Variants in LPP observed in about 807,000 individuals in gnomAD.
The protein encoded by LPP is LIM domain containing preferred translocation partner in lipoma, also known as lipoma-preferred partner.
A neutral mutation model predicts 60.4 loss-of-function variants in LPP; 38 were observed. That is an observed-to-expected ratio of 0.63 (90% CI 0.49 to 0.83). The LOEUF (loss-of-function observed/expected upper bound fraction) is 0.83. Among genes scored for constraint, LPP ranks in the 40% least tolerant of loss-of-function variants. LPP has a pLI of 0.00. For synonymous variants in LPP, 328 were observed against 290.8 expected, an observed-to-expected ratio of 1.13 and a Z score of -1.30; for missense variants, 902 against 783.6, an observed-to-expected ratio of 1.15 and a Z score of -1.80.
At chr3:188,383,414 C>T (rs1005650563) in intron 3 of LPP, among the ~76,000 whole-genome samples, 6 of 152,098 alleles carry the variant, frequency 3.9e-5, no homozygotes, top group African/African-American at 1.4e-4. Flanking sequence ...TTGTTATTAT[C>T]TTTCTCAATT....
At chr3:188,349,590 G>A (rs1170739498) in intron 3 of LPP, among the ~76,000 whole-genome samples, 1 of 152,174 alleles carries the variant, frequency 6.6e-6, no homozygotes, top group African/African-American at 2.4e-5. Context: ...GACATTACTG[G>A]CTGAGTATAA....
intron 1 of LPP, among the ~76,000 whole-genome samples, chr3:188,220,813 G>A (rs1715493482): frequency 6.6e-6 from 1 of 152,124 alleles, no homozygotes. Context: ...CTAGAGGAAA[G>A]GGTCACTGAA....
chr3:188,224,799 G>C (rs1487330323), intron 1 of LPP, among the ~76,000 whole-genome samples: 2 of 152,136 alleles, frequency 1.3e-5, no homozygotes, highest in Non-Finnish European at 2.9e-5. Context: ...ACAGCACCAA[G>C]AGGATGGTGC....
intron 7 of LPP, among the ~76,000 whole-genome samples, chr3:188,699,331 C>A (rs1284067294): frequency 1.3e-5 from 2 of 152,120 alleles, no homozygotes; most frequent in African/African-American, 4.8e-5. Context: ...GAGACCAGGG[C>A]CCCCTGACTG....
At chr3:188,724,838 G>C (rs2149937880) in intron 8 of LPP, among the ~76,000 whole-genome samples, 1 of 152,256 alleles carries the variant, frequency 6.6e-6, no homozygotes, top group Non-Finnish European at 1.5e-5. Context: ...GTGTAGAAAA[G>C]CCAGGCCCAG....
chr3:188,186,806 G>C (rs183743127), intron 1 of LPP, among the ~76,000 whole-genome samples: 9 of 151,846 alleles, frequency 5.9e-5, no homozygotes, highest in African/African-American at 2.2e-4. Context: ...TCTCATGCTT[G>C]AGTTACTAGT....
intron 3 of LPP, among the ~76,000 whole-genome samples, chr3:188,350,211 G>A (rs933537374): frequency 2.0e-5 from 3 of 152,180 alleles, no homozygotes; most frequent in African/African-American, 7.2e-5. Flanking sequence ...GAGCTGGCGG[G>A]TCTGTGGAGG....
At chr3:188,459,197 C>T (rs771799713) in intron 4 of LPP, among the ~76,000 whole-genome samples, 15 of 152,042 alleles carry the variant, frequency 9.9e-5, no homozygotes, top group African/African-American at 1.9e-4. Flanking sequence ...CAGAGACTTC[C>T]GCCATTCCCT....
At chr3:188,537,322 A>G (rs542788758) in intron 6 of LPP, among the ~76,000 whole-genome samples, 2 of 151,858 alleles carry the variant, frequency 1.3e-5, no homozygotes, top group African/African-American at 2.4e-5. Context: ...AGCATTATTG[A>G]TCGTATCACA....
At chr3:188,414,976 T>C (rs1432773346) in intron 4 of LPP, among the ~76,000 whole-genome samples, 2 of 152,178 alleles carry the variant, frequency 1.3e-5, no homozygotes, top group Non-Finnish European at 2.9e-5. Context: ...AGTCCCTGTA[T>C]TGTTGACAGA....
chr3:188,607,768 C>T (rs759929573), intron 6 of LPP, among the ~76,000 whole-genome samples: 2 of 152,160 alleles, frequency 1.3e-5, no homozygotes, highest in East Asian at 1.9e-4. Flanking sequence ...CTTCAAAATT[C>T]ACCTATTTTG....
intron 2 of LPP, among the ~76,000 whole-genome samples, chr3:188,319,251 C>G (rs73888217): frequency 0.076 from 11,580 of 152,078 alleles, 503 homozygotes; most frequent in South Asian, 0.11. Context: ...CCAGAATAGT[C>G]TTTGAAACAT....
chr3:188,644,342 T>G (rs1850723189), intron 7 of LPP, among the ~76,000 whole-genome samples: 1 of 152,168 alleles, frequency 6.6e-6, no homozygotes, highest in African/African-American at 2.4e-5. Context: ...TTTGGTAGGA[T>G]GAAATGGTTC....
chr3:188,694,802 G>T (rs1862894452), intron 7 of LPP, among the ~76,000 whole-genome samples: 1 of 152,092 alleles, frequency 6.6e-6, no homozygotes. Flanking sequence ...TAATATTTTT[G>T]GTTTCCATCT....
intron 9 of LPP, among the ~76,000 whole-genome samples, chr3:188,764,390 A>T (rs1733349971): frequency 6.6e-6 from 1 of 152,188 alleles, no homozygotes; most frequent in Admixed American, 6.5e-5. Flanking sequence ...GCTTAATCTG[A>T]TTAACAGAAT....
rs566821476 is a variant in LPP at position 188,716,867 on chromosome 3, G to A, written c.1240+8474G>A. On this transcript the variant is annotated intron_variant, in intron 8 of 11. Coordinates refer to ENST00000617246, the MANE Select transcript of LPP (RefSeq NM_001375462.1). Reference sequence around the variant, plus strand: ...TTTGTGACTTAGGCACAAACAAGACGCTAAACTTGTTTGGAAGTTAGCGTC... The same window carrying A: ...TTTGTGACTTAGGCACAAACAAGACACTAAACTTGTTTGGAAGTTAGCGTC... 5.9e-5 allele frequency among the ~76,000 whole-genome samples: 9 copies of A among 152,280 alleles called. No individual in the cohort carries two copies. The South Asian group carries it at 1.2e-3, about 21-fold the overall frequency.
At chr3:188,179,938 TC>T (rs1403646656) in intron 1 of LPP, 5 of 186,120 alleles carry the variant, frequency 2.7e-5, no homozygotes, top group African/African-American at 1.2e-4. Context: ...GTTGGTTGGG[TC>T]CACTTTTAGG....
At chr3:188,337,069 G>A (rs1238434198) in intron 2 of LPP, among the ~76,000 whole-genome samples, 8 of 152,138 alleles carry the variant, frequency 5.3e-5, no homozygotes, top group Admixed American at 5.2e-4. Context: ...GAAGGGGAGG[G>A]TGAAAGGTAG....
At chr3:188,290,463 C>T (rs1001494818) in intron 2 of LPP, among the ~76,000 whole-genome samples, 24 of 151,998 alleles carry the variant, frequency 1.6e-4, no homozygotes, top group African/African-American at 4.6e-4. Flanking sequence ...AGTTAGAATG[C>T]GTAGAGCATG....
Sources: gnomAD v4.1 joint callset for allele counts (sites outside exome capture counted in the v4.1 genomes callset) on GRCh38, gnomAD v4.1.1 for gene constraint, MANE v1.5 for transcripts, NCBI Gene and HGNC (gene_info 2026-07-23, HGNC 2026-07-21) for gene names.